The following CSE1L variants were observed in gnomAD, a reference collection of about 807,000 sequenced individuals.
CSE1L encodes exportin-2.
In CSE1L, 24 loss-of-function variants were observed where a neutral mutation model predicts 120.4. The observed-to-expected ratio is 0.20, with a 90% confidence interval of 0.14 to 0.28. The LOEUF (loss-of-function observed/expected upper bound fraction) is 0.28, where lower values mean the gene tolerates loss of function less well. CSE1L is among the 10% of genes least tolerant of loss of function. The pLI, the probability that CSE1L is intolerant of heterozygous loss-of-function variation, is 1.00. For synonymous variants in CSE1L, 402 were observed against 398.3 expected, an observed-to-expected ratio of 1.01 and a Z score of -0.11; for missense variants, 830 against 1,145.2, an observed-to-expected ratio of 0.72 and a Z score of 3.97.
intron 1 of CSE1L, among the ~76,000 whole-genome samples, chr20:49,054,835 A>G (rs961975958): frequency 1.3e-5 from 2 of 152,138 alleles, no homozygotes; most frequent in Non-Finnish European, 2.9e-5. Context: ...CTAGCCCACT[A>G]TTCTCTCTTC....
chr20:49,051,611 A>G (rs1183043029), intron 1 of CSE1L, among the ~76,000 whole-genome samples: 1 of 152,266 alleles, frequency 6.6e-6, no homozygotes, highest in African/African-American at 2.4e-5. Context: ...TTCCGTGTGC[A>G]GAGCTCTGCA....
chr20:49,047,829 C>T (rs1282105500), intron 1 of CSE1L, among the ~76,000 whole-genome samples: 1 of 152,066 alleles, frequency 6.6e-6, no homozygotes, highest in Non-Finnish European at 1.5e-5. Flanking sequence ...ACCTTTCTCC[C>T]ATGGCTCTCC....
At chr20:49,083,320 C>G (rs2092028952) in intron 14 of CSE1L, among the ~76,000 whole-genome samples, 1 of 152,194 alleles carries the variant, frequency 6.6e-6, no homozygotes, top group Non-Finnish European at 1.5e-5. Context: ...CTGCGCCCGG[C>G]CTAACATCAT....
chr20:49,047,552 C>CTTTTTTTTTTTTTTTTTTT (rs1230411564), intron 1 of CSE1L, among the ~76,000 whole-genome samples: 1 of 89,802 alleles, frequency 1.1e-5, no homozygotes, highest in African/African-American at 4.6e-5. Context: ...TTTTCTTTTT[C>CTTTTTTTTTTTTTTTTTTT]TTTTCTCTTT....
Position 49,066,269 on chromosome 20 carries a change from C to G in CSE1L, c.306C>G (p.Ser102Arg). The change falls in exon 4 of 25, where the codon AGC (serine) becomes AGG (arginine). Residue 102 changes from serine (S) to arginine (R), a missense_variant. Transcript: ENST00000262982. ...IKANIVHLMLSSPEQIQKQLS... is the reference protein window; with the variant it reads ...IKANIVHLMLRSPEQIQKQLS... The stretch of plus-strand genomic sequence containing the variant: ...CCAACATAGTGCACTTGATGCTTAG[C>G]AGCCCAGAGCAAATTCAGAAGCAGG... The G allele has an allele frequency of 6.2e-7, 1 of 1,614,196 alleles. No individual in the cohort carries two copies. Among genetic ancestry groups the G allele is most frequent in the Non-Finnish European group, 8.5e-7 (1 of 1,180,032 alleles).
intron 13 of CSE1L, among the ~76,000 whole-genome samples, chr20:49,077,421 A>G (rs143168543): frequency 1.2e-3 from 180 of 152,268 alleles, no homozygotes; most frequent in African/African-American, 4.2e-3. Flanking sequence ...CGGCCTGCCA[A>G]AGTGCTGGGA....
rs111594457 is a variant in CSE1L at position 49,050,302 on chromosome 20, T to C, written c.-12+3879T>C. 3.3e-3 allele frequency among the ~76,000 whole-genome samples: 492 copies of C among 151,180 alleles called. 5 individuals carry two copies. Among genetic ancestry groups the C allele is most frequent in the Middle Eastern group, 0.014 (4 of 292 alleles). On this transcript the variant is annotated intron_variant, in intron 1 of 24. Coordinates refer to ENST00000262982, the MANE Select transcript of CSE1L (RefSeq NM_001316.4). ...GGCAAGACCTCAGCTTATTGCAGCC[T>C]AGACCTCCCGGGCTCAAGCAATCCT...
At chr20:49,048,163 T>C (rs1390884059) in intron 1 of CSE1L, among the ~76,000 whole-genome samples, 1 of 150,666 alleles carries the variant, frequency 6.6e-6, no homozygotes, top group Non-Finnish European at 1.5e-5. Flanking sequence ...TTTTTTTTTT[T>C]TGACATGCTT....
chr20:49,089,663 A>C lies in CSE1L; in HGVS notation c.2098A>C (p.Asn700His). ...LQPVLWERTG[N>H]IPALVRLLQA... ...GCCAGTGCTTTGGGAAAGAACAGGAAATATTCCTGCTCTAGTGAGGCTTCT... is the reference window on the plus strand; with the variant it reads ...GCCAGTGCTTTGGGAAAGAACAGGACATATTCCTGCTCTAGTGAGGCTTCT... The change falls in exon 19 of 25, where the codon AAT becomes CAT. Residue 700 changes from asparagine to histidine, a missense_variant. Asn to His is a moderately conservative substitution (Grantham distance 68). Transcript: ENST00000262982. 2 of 1,614,212 alleles carry C rather than the reference A, an allele frequency of 1.2e-6. No homozygotes were observed. The highest frequency in any genetic ancestry group is 1.7e-6 in the Non-Finnish European group (2 of 1,180,030).
chr20:49,074,918 T>A, intron 11 of CSE1L, 68 bp downstream of exon 11: 1 of 1,150,270 alleles, frequency 8.7e-7, no homozygotes, highest in Non-Finnish European at 1.3e-6. Flanking sequence ...CTCTTTCTAG[T>A]AAATGGGAGA....
intron 1 of CSE1L, among the ~76,000 whole-genome samples, chr20:49,057,592 G>A (rs2091818929): frequency 1.3e-5 from 2 of 151,430 alleles, no homozygotes; most frequent in Admixed American, 1.3e-4. Flanking sequence ...AGCTGGGACT[G>A]AAGGCACCCA....
chr20:49,065,311 AAATTTTTTTTTT>A (rs2091882613), intron 3 of CSE1L, among the ~76,000 whole-genome samples: 1 of 66,928 alleles, frequency 1.5e-5, no homozygotes, highest in Non-Finnish European at 3.4e-5. Context: ...AATGAAAAAA[AAATTTTTTTTTT>A]TTTTTTTTTT....
chr20:49,072,658 A>G lies in CSE1L; in HGVS notation c.1027A>G (p.Ile343Val), dbSNP rs755925237. ...LFEDQNTLTSICEKVIVPNME... is the reference protein window; with the variant it reads ...LFEDQNTLTSVCEKVIVPNME... ...TGAGGACCAGAACACGCTGACAAGT[A>G]TCTGTGAAAAGGTTATTGTGCCTAA... is the stretch of plus-strand genomic sequence containing the variant. Residue 343 changes from isoleucine (I) to valine (V), a missense_variant, in exon 10 of 25, where the codon ATC (isoleucine) becomes GTC (valine). This residue lies in a region of CSE1L where 543 missense variants were observed against 640.2 expected (regional missense o/e 0.85). Coordinates refer to ENST00000262982, the MANE Select transcript of CSE1L (RefSeq NM_001316.4). The G allele has an allele frequency of 5.6e-6, 9 of 1,613,628 alleles. No individual in the cohort carries two copies. The highest frequency in any genetic ancestry group is 1.3e-5 in the African/African-American group (1 of 74,944).
chr20:49,066,298 T>C lies in CSE1L; in HGVS notation c.330+5T>C. On this transcript the variant is annotated splice_donor_5th_base_variant and intron_variant, in intron 4 of 24. Coordinates refer to ENST00000262982, the MANE Select transcript of CSE1L (RefSeq NM_001316.4). ...CCAGAGCAAATTCAGAAGCAGGTAA[T>C]GTCGCTCCACTTTTTAGATGGGCTC... The C allele has an allele frequency of 1.9e-6, 3 of 1,614,212 alleles. No homozygotes were observed. The highest frequency in any genetic ancestry group is 2.2e-5 in the South Asian group (2 of 91,086).
chr20:49,058,188 G>C (rs1240755598), intron 1 of CSE1L, among the ~76,000 whole-genome samples: 1 of 151,788 alleles, frequency 6.6e-6, no homozygotes, highest in Non-Finnish European at 1.5e-5. Flanking sequence ...CAGTCCTTCA[G>C]CTTTTTTTTC....
At chr20:49,087,909 A>G in intron 16 of CSE1L, 100 bp from the exon 17 acceptor site, 1 of 703,700 alleles carries the variant, frequency 1.4e-6, no homozygotes, top group South Asian at 1.9e-5. Context: ...GCATCTTAAA[A>G]TTTAGTTGAT....
intron 1 of CSE1L, among the ~76,000 whole-genome samples, chr20:49,051,093 T>C (rs1367733542): frequency 1.3e-5 from 2 of 152,086 alleles, no homozygotes; most frequent in Non-Finnish European, 2.9e-5. Flanking sequence ...TACAATCTAG[T>C]GAAGAGAGAA....
intron 16 of CSE1L, among the ~76,000 whole-genome samples, 171 bp downstream of exon 16, chr20:49,085,557 C>T (rs1335946801): frequency 1.1e-5 from 1 of 88,964 alleles, no homozygotes; most frequent in African/African-American, 4.2e-5. Context: ...TTACTACTAA[C>T]AATAATTTTT....
chr20:49,072,392 G>A lies in CSE1L; in HGVS notation c.875G>A (p.Arg292His), dbSNP rs746870335. 3.1e-6 allele frequency: 5 copies of A among 1,614,124 alleles called. No individual in the cohort carries two copies. The highest frequency in any genetic ancestry group is 1.6e-4 in the Middle Eastern group (1 of 6,062). The change falls in exon 9 of 25, where the codon CGT becomes CAT. Residue 292 changes from arginine to histidine, a missense_variant. Physicochemically the swap from Arg to His is conservative, Grantham distance 29. Transcript: ENST00000262982. ...YDEEFQRYLPRFVTAIWNLLV... is the reference protein window; with the variant it reads ...YDEEFQRYLPHFVTAIWNLLV... ...GAAGAATTCCAGCGATACCTGCCTC[G>A]TTTTGTTACAGCCATCTGGAATTTA...
Sources: gnomAD v4.1 joint callset for allele counts (sites outside exome capture counted in the v4.1 genomes callset) on GRCh38, gnomAD v4.1.1 for gene constraint, gnomAD v4.1.1 regional missense constraint, MANE v1.5 for transcripts, NCBI Gene and HGNC (gene_info 2026-07-23, HGNC 2026-07-21) for gene names.